The following LYPLAL1 variants were observed in gnomAD, a reference collection of about 807,000 sequenced individuals.
The protein encoded by LYPLAL1 is lysophospholipase-like protein 1.
A neutral mutation model predicts 19.7 loss-of-function variants in LYPLAL1; 23 were observed. That is an observed-to-expected ratio of 1.17 (90% CI 0.84 to 1.65). The LOEUF (loss-of-function observed/expected upper bound fraction) is 1.65. LYPLAL1 is among the 40% of genes most tolerant of loss of function. LYPLAL1 has a pLI of 0.00. For synonymous variants in LYPLAL1, 119 were observed against 96.3 expected, an observed-to-expected ratio of 1.24 and a Z score of -1.38; for missense variants, 355 against 279.4, an observed-to-expected ratio of 1.27 and a Z score of -1.93.
chr1:219,422,334 A>G, the LYPLAL1 span, among the ~76,000 whole-genome samples: 13 of 152,192 alleles, frequency 8.5e-5, no homozygotes, highest in Non-Finnish European at 1.5e-5. Flanking sequence ...TTGGGTCATA[A>G]TTAACCAGCC....
At chr1:219,437,398 TCTTCCA>T in the LYPLAL1 span, among the ~76,000 whole-genome samples, 1 of 152,118 alleles carries the variant, frequency 6.6e-6, no homozygotes. Context: ...AGCTCTCAAA[TCTTCCA>T]CGTCTTCTTC....
the LYPLAL1 span, among the ~76,000 whole-genome samples, chr1:219,324,310 C>T: frequency 3.3e-5 from 5 of 152,190 alleles, no homozygotes; most frequent in African/African-American, 4.8e-5. Context: ...TCTCCAAAGA[C>T]GAGTGTATAG....
the LYPLAL1 span, among the ~76,000 whole-genome samples, chr1:219,378,548 A>G: frequency 3.3e-5 from 5 of 152,202 alleles, no homozygotes; most frequent in Admixed American, 2.0e-4. Flanking sequence ...ATTGTTATTC[A>G]AGCAAAGGTA....
chr1:219,373,789 T>A, the LYPLAL1 span, among the ~76,000 whole-genome samples: 1 of 150,612 alleles, frequency 6.6e-6, no homozygotes, highest in African/African-American at 2.4e-5. Context: ...TTCAGGCAGT[T>A]GCCTGAGCCA....
chr1:219,312,601 T>G, the LYPLAL1 span, among the ~76,000 whole-genome samples: 2 of 152,140 alleles, frequency 1.3e-5, no homozygotes, highest in Non-Finnish European at 2.9e-5. Context: ...TCGGCACAGC[T>G]TCAAGAGTAC....
chr1:219,419,594 C>CACACACACACAGAGAGAGAG, the LYPLAL1 span, among the ~76,000 whole-genome samples: 60 of 99,596 alleles, frequency 6.0e-4, no homozygotes, highest in African/African-American at 1.7e-3. Flanking sequence ...CACACACACA[C>CACACACACACAGAGAGAGAG]AGAGAGAGAG....
the LYPLAL1 span, among the ~76,000 whole-genome samples, chr1:219,398,177 T>C: frequency 0.4 from 61,068 of 151,994 alleles, 12,389 homozygotes; most frequent in Admixed American, 0.47. Flanking sequence ...CTTATCTCTT[T>C]CAGGGACACA....
the LYPLAL1 span, among the ~76,000 whole-genome samples, chr1:219,354,224 T>G: frequency 1.3e-5 from 2 of 152,170 alleles, no homozygotes; most frequent in African/African-American, 2.4e-5. Flanking sequence ...TGAGATGCAG[T>G]CTTGCTCTGT....
chr1:219,346,252 G>C, the LYPLAL1 span, among the ~76,000 whole-genome samples: 1 of 152,040 alleles, frequency 6.6e-6, no homozygotes, highest in Non-Finnish European at 1.5e-5. Context: ...GACTATGTGT[G>C]GGAAAACAGG....
At chr1:219,371,377 G>A in the LYPLAL1 span, among the ~76,000 whole-genome samples, 5 of 152,274 alleles carry the variant, frequency 3.3e-5, no homozygotes, top group African/African-American at 9.6e-5. Flanking sequence ...GCCCTCCTGG[G>A]GGGTCAGGGA....
At chr1:219,239,872 T>G in the LYPLAL1 span, among the ~76,000 whole-genome samples, 2 of 152,230 alleles carry the variant, frequency 1.3e-5, no homozygotes, top group South Asian at 4.1e-4. Context: ...ATGTGATCAC[T>G]AGACTTTTCC....
At chr1:219,203,936 A>T (rs1178436566) in intron 3 of LYPLAL1, among the ~76,000 whole-genome samples, 1 of 152,156 alleles carries the variant, frequency 6.6e-6, no homozygotes, top group Non-Finnish European at 1.5e-5. Context: ...AATTTTAATC[A>T]TCTGTGGGGT....
chr1:219,361,958 T>A, the LYPLAL1 span, among the ~76,000 whole-genome samples: 1 of 152,120 alleles, frequency 6.6e-6, no homozygotes, highest in South Asian at 2.1e-4. Flanking sequence ...TCAGCATGCT[T>A]GGCTTTGTCC....
chr1:219,398,590 G>A, the LYPLAL1 span, among the ~76,000 whole-genome samples: 1 of 152,180 alleles, frequency 6.6e-6, no homozygotes, highest in Non-Finnish European at 1.5e-5. Flanking sequence ...GACCCTTGCT[G>A]AGGAGATGGT....
the LYPLAL1 span, among the ~76,000 whole-genome samples, chr1:219,364,495 A>G: frequency 1.3e-5 from 2 of 151,074 alleles, no homozygotes; most frequent in Non-Finnish European, 3.0e-5. Flanking sequence ...TGTAGCCACT[A>G]CTCCCCACTC....
chr1:219,352,516 CAAAT>C, the LYPLAL1 span, among the ~76,000 whole-genome samples: 8 of 150,674 alleles, frequency 5.3e-5, no homozygotes, highest in South Asian at 2.1e-4. Context: ...GACTCCGTCT[CAAAT>C]AAATAAATAA....
the LYPLAL1 span, among the ~76,000 whole-genome samples, chr1:219,291,522 A>G: frequency 1.3e-5 from 2 of 152,106 alleles, no homozygotes; most frequent in Non-Finnish European, 2.9e-5. Context: ...AATGCTTACT[A>G]TGTTTCAGGG....
At chr1:219,424,871 A>G in the LYPLAL1 span, among the ~76,000 whole-genome samples, 1 of 152,162 alleles carries the variant, frequency 6.6e-6, no homozygotes. Context: ...TTTTTCTTAT[A>G]TATAAGAGAA....
the LYPLAL1 span, among the ~76,000 whole-genome samples, chr1:219,237,736 C>G: frequency 1.3e-5 from 2 of 152,092 alleles, no homozygotes; most frequent in African/African-American, 4.8e-5. Context: ...CTGAGATAGG[C>G]TCCCCTGGGT....
Sources: gnomAD v4.1 joint callset for allele counts (sites outside exome capture counted in the v4.1 genomes callset) on GRCh38, gnomAD v4.1.1 for gene constraint, MANE v1.5 for transcripts, NCBI Gene and HGNC (gene_info 2026-07-23, HGNC 2026-07-21) for gene names.